Variants in GRIA3 observed in about 807,000 individuals in gnomAD.
GRIA3 encodes the protein glutamate ionotropic receptor AMPA type subunit 3.
GRIA3 carries 3 observed loss-of-function variants against 63.0 expected under a neutral mutation model. That is an observed-to-expected ratio of 0.05 (90% confidence interval 0.02 to 0.12). The LOEUF is 0.12. GRIA3 is among the 10% of genes least tolerant of loss of function. The pLI is 1.00. For synonymous variants in GRIA3, 274 were observed against 257.9 expected, an observed-to-expected ratio of 1.06 and a Z score of -0.60; for missense variants, 347 against 700.9, an observed-to-expected ratio of 0.50 and a Z score of 5.70.
intron 3 of GRIA3, among the ~76,000 whole-genome samples, chrX:123,267,840 G>T (rs1292234719): frequency 1.8e-5 from 2 of 111,768 alleles, no homozygotes; most frequent in East Asian, 5.6e-4. Context: ...TCAGGGATAG[G>T]AATGTTTTGG....
intron 2 of GRIA3, among the ~76,000 whole-genome samples, chrX:123,215,577 ACC>A (rs1278409213): frequency 9.0e-6 from 1 of 110,513 alleles, no homozygotes; most frequent in Non-Finnish European, 1.9e-5. Flanking sequence ...CCTTTAATGA[ACC>A]CCTATGTCGC....
At chrX:123,231,041 T>C (rs990335487) in intron 2 of GRIA3, among the ~76,000 whole-genome samples, 3 of 111,956 alleles carry the variant, frequency 2.7e-5, no homozygotes, top group Non-Finnish European at 5.6e-5. Context: ...AGTGAGCAAA[T>C]TGCTAGTCTT....
At chrX:123,471,184 C>A (rs1315371260) in intron 13 of GRIA3, among the ~76,000 whole-genome samples, 2 of 111,345 alleles carry the variant, frequency 1.8e-5, no homozygotes, top group African/African-American at 6.5e-5. Flanking sequence ...CTCCCAAGAG[C>A]AAATCCTCAC....
intron 11 of GRIA3, among the ~76,000 whole-genome samples, chrX:123,422,998 A>G (rs911201116): frequency 1.8e-5 from 2 of 112,079 alleles, no homozygotes; most frequent in Non-Finnish European, 3.8e-5. Flanking sequence ...TTTTAATACG[A>G]AATTTATTTC....
chrX:123,247,999 A>G (rs2044368858), intron 2 of GRIA3, among the ~76,000 whole-genome samples: 1 of 112,323 alleles, frequency 8.9e-6, no homozygotes, highest in Non-Finnish European at 1.9e-5. Flanking sequence ...ATCTCCCAAC[A>G]TCTATAACAG....
At chrX:123,351,372 G>A (rs1032977332) in intron 4 of GRIA3, among the ~76,000 whole-genome samples, 2 of 111,763 alleles carry the variant, frequency 1.8e-5, no homozygotes, top group Non-Finnish European at 3.8e-5. Flanking sequence ...TGTGGTGAGG[G>A]CTCCTGTAGC....
At chrX:123,399,492 C>T (rs2045433397) in intron 7 of GRIA3, among the ~76,000 whole-genome samples, 1 of 112,167 alleles carries the variant, frequency 8.9e-6, no homozygotes, top group Non-Finnish European at 1.9e-5. Flanking sequence ...AGGCTTCAAG[C>T]AATGTCCTTT....
At chrX:123,279,139 A>T (rs1456427252) in intron 3 of GRIA3, among the ~76,000 whole-genome samples, 1 of 111,459 alleles carries the variant, frequency 9.0e-6, no homozygotes, top group Non-Finnish European at 1.9e-5. Context: ...GCATGATCTC[A>T]GTCATACATG....
At chrX:123,366,124 T>A (rs1001849938) in intron 5 of GRIA3, among the ~76,000 whole-genome samples, 7 of 111,113 alleles carry the variant, frequency 6.3e-5, no homozygotes, top group Non-Finnish European at 1.3e-4. Context: ...GCTATCTTGG[T>A]TTTGGTGAGA....
intron 11 of GRIA3, among the ~76,000 whole-genome samples, chrX:123,423,993 C>T (rs1243800111): frequency 8.9e-6 from 1 of 111,846 alleles, no homozygotes; most frequent in Non-Finnish European, 1.9e-5. Context: ...CTTTCATTAA[C>T]TTCACGCCTC....
Position 123,367,584 on chromosome X carries a change from C to T in GRIA3, c.750+12621C>T, listed in dbSNP as rs189843238. 5.1e-3 allele frequency among the ~76,000 whole-genome samples: 562 copies of T among 110,449 alleles called. 3 individuals are homozygous for T. Among genetic ancestry groups the T allele is most frequent in the African/African-American group, 0.017 (530 of 30,379 alleles). On this transcript the variant is annotated intron_variant, in intron 5 of 15. Coordinates refer to ENST00000620443, the MANE Select transcript of GRIA3 (RefSeq NM_007325.5). ...CCTGAGTAGCTGGGATTACAGGCAC[C>T]CACCACCACATCAGGCTAATTTTTG...
chrX:123,251,596 C>T (rs945979612), intron 2 of GRIA3, among the ~76,000 whole-genome samples: 8 of 110,260 alleles, frequency 7.3e-5, no homozygotes, highest in African/African-American at 2.7e-4. Flanking sequence ...CCACCATGCC[C>T]AGCTAATTTT....
chrX:123,260,699 A>G (rs1169928212), intron 3 of GRIA3, among the ~76,000 whole-genome samples: 1 of 108,075 alleles, frequency 9.3e-6, no homozygotes, highest in Non-Finnish European at 1.9e-5. Context: ...ATTGAAATTC[A>G]AGCTACTTTT....
chrX:123,454,694 A>G (rs2147422375), intron 12 of GRIA3, among the ~76,000 whole-genome samples: 1 of 111,763 alleles, frequency 8.9e-6, no homozygotes, highest in African/African-American at 3.3e-5. Flanking sequence ...GTTGTTGCTT[A>G]CTGAGAGACA....
At chrX:123,413,544 A>C in intron 10 of GRIA3, among the ~76,000 whole-genome samples, 1 of 82,194 alleles carries the variant, frequency 1.2e-5, no homozygotes, top group Non-Finnish European at 2.1e-5. Flanking sequence ...AAAAAAAAAA[A>C]AAAAAAAAAA....
chrX:123,428,277 T>C, intron 12 of GRIA3, 138 bp downstream of exon 12: 2 of 517,157 alleles, frequency 3.9e-6, no homozygotes, highest in Non-Finnish European at 3.4e-6. Context: ...AATACTGGGC[T>C]GCTTGGTTGG....
intron 10 of GRIA3, among the ~76,000 whole-genome samples, chrX:123,405,503 C>T (rs1285610664): frequency 8.9e-6 from 1 of 111,941 alleles, no homozygotes; most frequent in South Asian, 3.7e-4. Flanking sequence ...CAAATTCCTT[C>T]ACATGGCAAA....
chrX:123,275,069 C>T (rs943579486), intron 3 of GRIA3, among the ~76,000 whole-genome samples: 2 of 109,995 alleles, frequency 1.8e-5, no homozygotes, highest in African/African-American at 3.3e-5. Context: ...ACAACAGAAG[C>T]GAAGGAATGC....
chrX:123,250,131 G>A (rs377640809), intron 2 of GRIA3, among the ~76,000 whole-genome samples: 2 of 111,545 alleles, frequency 1.8e-5, no homozygotes, highest in East Asian at 2.8e-4. Context: ...CCTGGGGCAG[G>A]GGTAGCAGGG....
Sources: allele counts gnomAD v4.1 joint callset (sites outside exome capture counted in the v4.1 genomes callset), GRCh38; gene constraint gnomAD v4.1.1; transcripts MANE v1.5; gene names NCBI Gene and HGNC (gene_info 2026-07-23, HGNC 2026-07-21).